The following EPHA5 variants were observed in gnomAD, a reference collection of about 807,000 sequenced individuals.
The protein encoded by EPHA5 is ephrin type-A receptor 5.
In EPHA5, 60 loss-of-function variants were observed where a neutral mutation model predicts 105.0. The ratio of observed to expected loss-of-function variants is 0.57; its 90% CI spans 0.46 to 0.71. EPHA5 has a LOEUF of 0.71. Ranked by LOEUF, EPHA5 falls within the 30% of genes least tolerant of loss-of-function variation. EPHA5 has a pLI of 0.00. For missense variants in EPHA5, 1,218 were observed against 1,274.7 expected, an observed-to-expected ratio of 0.96 and a Z score of 0.68; for synonymous variants, 513 against 449.1, an observed-to-expected ratio of 1.14 and a Z score of -1.80.
intron 3 of EPHA5, among the ~76,000 whole-genome samples, chr4:65,529,782 A>C (rs1042503476): frequency 1.3e-5 from 2 of 152,160 alleles, no homozygotes; most frequent in Admixed American, 1.3e-4. Context: ...CAATACATTA[A>C]ATTGGTATGA....
At chr4:65,633,519 A>G (rs1746836677) in intron 2 of EPHA5, among the ~76,000 whole-genome samples, 1 of 151,996 alleles carries the variant, frequency 6.6e-6, no homozygotes. Context: ...AAATAATTAT[A>G]CTCACATACG....
rs374949294 is a variant in EPHA5 at position 65,367,337 on chromosome 4, A to T, written c.1861+20T>A. The T allele has an allele frequency of 3.1e-4, 490 of 1,596,924 alleles. 2 individuals are homozygous for T. Among genetic ancestry groups the T allele is most frequent in the Non-Finnish European group, 4.0e-4 (467 of 1,169,578 alleles). On this transcript the variant is annotated intron_variant, in intron 9 of 16. Coordinates refer to ENST00000613740, the MANE Select transcript of EPHA5 (RefSeq NM_001281766.3). ...GTGTCCCCTATTTTATTCTATTTTTATTTTTTACAATTTGCTTACTGTGCC... is the reference window on the plus strand; with the variant it reads ...GTGTCCCCTATTTTATTCTATTTTTTTTTTTTACAATTTGCTTACTGTGCC...
At chr4:65,451,250 A>G (rs753448889) in intron 5 of EPHA5, among the ~76,000 whole-genome samples, 1 of 152,194 alleles carries the variant, frequency 6.6e-6, no homozygotes, top group African/African-American at 2.4e-5. Flanking sequence ...AGAAATGAAA[A>G]AGGCCGTAAC....
intron 5 of EPHA5, among the ~76,000 whole-genome samples, chr4:65,462,862 T>C (rs1300250092): frequency 3.9e-5 from 6 of 152,172 alleles, no homozygotes; most frequent in Non-Finnish European, 8.8e-5. Context: ...CATATTTTTA[T>C]ACCCTACTAT....
chr4:65,549,570 T>C (rs1314985215), intron 3 of EPHA5, among the ~76,000 whole-genome samples: 2 of 152,212 alleles, frequency 1.3e-5, no homozygotes, highest in South Asian at 2.1e-4. Context: ...AGAAAGAGGG[T>C]TAAAGTAACA....
At chr4:65,464,459 A>G (rs182885684) in intron 5 of EPHA5, among the ~76,000 whole-genome samples, 405 of 152,266 alleles carry the variant, frequency 2.7e-3, no homozygotes, top group African/African-American at 9.3e-3. Flanking sequence ...TAATCTAAAT[A>G]GATAATAATT....
At position 65,601,975 on chromosome 4, in the gene EPHA5, A is replaced by T. The variant is rs755450659; in HGVS notation, c.576T>A (p.Val192=). 46 of 1,614,186 alleles carry T rather than the reference A, an allele frequency of 2.8e-5. No homozygotes were observed. Among genetic ancestry groups the T allele is most frequent in the Non-Finnish European group, 3.6e-5 (42 of 1,180,020 alleles). Residue 192 remains valine, a synonymous_variant, in exon 3 of 17, where the codon GTT becomes GTA. Transcript: ENST00000613740. ...SFTELDLGDR[V]MKLNTEVRDV... is the part of the protein sequence containing the mutation. ...CTCTGACCTCTGTATTCAGTTTCAT[A>T]ACACGGTCACCAAGATCAAGTTCTG...
chr4:65,377,053 A>T (rs2148920209), intron 8 of EPHA5: 1 of 1,609,242 alleles, frequency 6.2e-7, no homozygotes, highest in South Asian at 1.1e-5. Context: ...CCACAGCCAC[A>T]TTCGCAGCAA....
intron 5 of EPHA5, among the ~76,000 whole-genome samples, chr4:65,477,404 G>GT (rs560141246): frequency 2.8e-4 from 43 of 151,780 alleles, no homozygotes; most frequent in African/African-American, 6.0e-4. Context: ...TTTTTTGTTT[G>GT]TTTTTTTGTT....
intron 5 of EPHA5, among the ~76,000 whole-genome samples, chr4:65,441,770 G>T (rs543064680): frequency 2.6e-5 from 4 of 151,846 alleles, no homozygotes; most frequent in Non-Finnish European, 5.9e-5. Flanking sequence ...GAAATTGAAG[G>T]TATCAGAAAA....
chr4:65,355,083 C>A (rs1384789634), intron 11 of EPHA5, among the ~76,000 whole-genome samples: 1 of 151,668 alleles, frequency 6.6e-6, no homozygotes, highest in Non-Finnish European at 1.5e-5. Flanking sequence ...TTAATCTGCA[C>A]CTTGAAGAGT....
At chr4:65,491,904 C>T (rs1034775277) in intron 4 of EPHA5, among the ~76,000 whole-genome samples, 9 of 152,050 alleles carry the variant, frequency 5.9e-5, no homozygotes, top group African/African-American at 2.4e-5. Context: ...AAACTTCAGT[C>T]AGCTGTTAAT....
intron 7 of EPHA5, among the ~76,000 whole-genome samples, chr4:65,410,792 T>C (rs932275571): frequency 6.6e-6 from 1 of 152,194 alleles, no homozygotes; most frequent in Non-Finnish European, 1.5e-5. Context: ...ACAATATCAT[T>C]ATTTCCTCAT....
intron 3 of EPHA5, among the ~76,000 whole-genome samples, chr4:65,500,661 C>G (rs961870076): frequency 6.6e-6 from 1 of 150,548 alleles, no homozygotes; most frequent in Non-Finnish European, 1.5e-5. Context: ...CTTGGGATAA[C>G]TAAGTATATT....
Position 65,321,939 on chromosome 4 carries a change from T to C in EPHA5, c.*2175A>G, listed in dbSNP as rs896008327. 8.9e-6 allele frequency: 2 copies of C among 225,886 alleles called. No homozygotes were observed. The highest frequency in any genetic ancestry group is 2.2e-5 in the African/African-American group (1 of 44,944). 14.0% of individuals were successfully genotyped at this position (225,886 alleles called of 1,614,324 possible). ...TACTTTATCACTTAGATTGGAATAT[T>C]TCTATAAAATTCAATAAAGTGCCAC... On this transcript the variant is annotated 3_prime_UTR_variant, in exon 17 of 17. Coordinates refer to ENST00000613740, the MANE Select transcript of EPHA5 (RefSeq NM_001281766.3).
At chr4:65,511,308 C>A (rs148934669) in intron 3 of EPHA5, among the ~76,000 whole-genome samples, 2 of 152,176 alleles carry the variant, frequency 1.3e-5, no homozygotes, top group African/African-American at 4.8e-5. Context: ...TATAAGAGGT[C>A]CTTGAACTTT....
intron 3 of EPHA5, among the ~76,000 whole-genome samples, chr4:65,502,973 T>C (rs916762527): frequency 6.6e-6 from 1 of 151,934 alleles, no homozygotes; most frequent in Admixed American, 6.6e-5. Flanking sequence ...GCAACATGGA[T>C]GTGACTGGAA....
intron 5 of EPHA5, among the ~76,000 whole-genome samples, chr4:65,432,397 G>T: frequency 6.6e-6 from 1 of 152,030 alleles, no homozygotes; most frequent in Non-Finnish European, 1.5e-5. Context: ...TAAAAATACT[G>T]GAAATAAGGT....
At chr4:65,666,574 T>G (rs886220246) in intron 1 of EPHA5, among the ~76,000 whole-genome samples, 2 of 152,202 alleles carry the variant, frequency 1.3e-5, no homozygotes, top group African/African-American at 4.8e-5. Context: ...TCCTGCTTGA[T>G]CAGAGACAAG....
Sources: allele counts gnomAD v4.1 joint callset (sites outside exome capture counted in the v4.1 genomes callset), GRCh38; gene constraint gnomAD v4.1.1; transcripts MANE v1.5; gene names NCBI Gene and HGNC (gene_info 2026-07-23, HGNC 2026-07-21).